C4orf50: variants seen among roughly 807,000 people sequenced by gnomAD.
C4orf50 encodes the protein uncharacterized protein C4orf50.
A neutral mutation model predicts 77.2 loss-of-function variants in C4orf50; 80 were observed. The observed-to-expected ratio is 1.04, with a 90% CI of 0.87 to 1.25. C4orf50 has a LOEUF of 1.25. C4orf50 is among the 50% of genes most tolerant of loss of function. The pLI, the probability that C4orf50 is intolerant of heterozygous loss-of-function variation, is 0.00. For missense variants in C4orf50, 1,257 were observed against 1,152.9 expected (o/e 1.09, Z -1.31); for synonymous variants, 532 against 465.3 (o/e 1.14, Z -1.84).
chr4:5,917,271 C>A (rs538111676), intron 7 of C4orf50, among the ~76,000 whole-genome samples: 2 of 152,176 alleles, frequency 1.3e-5, no homozygotes, highest in South Asian at 2.1e-4. Context: ...CATTTTAAAT[C>A]TTTAAAATAA....
At position 5,980,207 on chromosome 4, in the gene C4orf50, C is replaced by T. The variant is rs972929862; in HGVS notation, c.3831G>A (p.Glu1277=). The T allele has an allele frequency of 2.5e-6, 4 of 1,606,230 alleles. No homozygotes were observed. The East Asian group carries it at 6.7e-5, about 27-fold the overall frequency. Residue 1277 remains glutamate (E), a synonymous_variant, in exon 29 of 34, where the codon GAG becomes GAA. Coordinates refer to ENST00000531445, the Ensembl canonical transcript of C4orf50. ...GGAGCTCCTCCTGGAGGCGGGTGGC[C>T]TCGTCCAGAGACGCCTGGTGGGCAG... is the stretch of plus-strand genomic sequence containing the variant.
intron 7 of C4orf50, chr4:5,899,538 A>T (rs1716258109): frequency 6.6e-6 from 1 of 152,196 alleles, no homozygotes; most frequent in Non-Finnish European, 1.5e-5. Flanking sequence ...TACAAAGCCA[A>T]CTCATGGTCA....
chr4:5,953,263 G>A (rs151160709), downstream of C4orf50, among the ~76,000 whole-genome samples: 470 of 152,306 alleles, frequency 3.1e-3, 4 homozygotes, highest in African/African-American at 0.01. Flanking sequence ...AGCTGCAGAC[G>A]AGAGAGTGAA....
intron 7 of C4orf50, among the ~76,000 whole-genome samples, chr4:5,914,168 C>T (rs1716929778): frequency 6.6e-6 from 1 of 150,700 alleles, no homozygotes; most frequent in Non-Finnish European, 1.5e-5. Flanking sequence ...GAATATGAGC[C>T]AGGAGGTTAA....
rs188005371 is a variant in C4orf50 at position 5,960,404 on chromosome 4, T to A, written c.4276-778A>T. 6.6e-5 allele frequency among the ~76,000 whole-genome samples: 10 copies of A among 152,348 alleles called. No homozygotes were observed. The East Asian group carries it at 1.9e-3, about 29-fold the overall frequency. On this transcript the variant is annotated intron_variant, in intron 33 of 33. Coordinates refer to ENST00000531445, the Ensembl canonical transcript of C4orf50. ...AGGGTGTGGCAGGTGTGTCAGTGCC[T>A]TGCCAGACAGATGAGCAGAATGGAG...
intron 7 of C4orf50, among the ~76,000 whole-genome samples, chr4:5,912,258 T>A (rs1454609357): frequency 0.033 from 311 of 9,288 alleles, 1 homozygote; most frequent in African/African-American, 0.046. Context: ...ACTCCACTCG[T>A]GTGTGTGTGT....
chr4:5,932,338 G>T lies in C4orf50; in HGVS notation c.*2474+24563C>A, dbSNP rs114158738. Among the ~76,000 whole-genome samples the T allele has an allele frequency of 0.011, 1,727 of 152,294 alleles. 20 individuals are homozygous for T. Among genetic ancestry groups the T allele is most frequent in the African/African-American group, 0.038 (1,571 of 41,568 alleles). The stretch of plus-strand genomic sequence containing the variant: ...CGTAAAGAATCCAGCCATCAAAGAG[G>T]GAGGCAGGCAGCGGACAGCTTGCCT... On this transcript the variant is annotated intron_variant, in intron 7 of 7. Coordinates refer to the C4orf50 transcript ENST00000324058. The surrounding 1 kb of genome is among the most constrained non-coding windows in gnomAD (Gnocchi z 4.2).
intron 33 of C4orf50, among the ~76,000 whole-genome samples, chr4:5,961,027 C>T (rs2108763688): frequency 6.6e-6 from 1 of 152,318 alleles, no homozygotes; most frequent in Middle Eastern, 3.4e-3. Flanking sequence ...CTGGAAGTGG[C>T]TGTCTCTTCA....
Position 5,967,478 on chromosome 4 carries a change from T to C in C4orf50, c.4105-16A>G, listed in dbSNP as rs1384850690. 6.2e-7 allele frequency: 1 copy of C among 1,612,974 alleles called. No individual in the cohort carries two copies. The highest frequency in any genetic ancestry group is 1.3e-5 in the African/African-American group (1 of 74,898). ...GGTGGCTTGTCTGCAAGAAAAGACA[T>C]CTTGGCGGTTATTCTGCATGGCACT... On this transcript the variant is annotated splice_polypyrimidine_tract_variant and intron_variant, in intron 31 of 33. Transcript: ENST00000531445.
rs1722747801 is a variant in C4orf50 at position 6,018,075 on chromosome 4, C to T, written c.287+70G>A. The T allele has an allele frequency of 4.3e-5, 17 of 397,658 alleles. No homozygotes were observed. The East Asian group carries it at 6.1e-4, about 14-fold the overall frequency. 24.6% of individuals were successfully genotyped at this position (397,658 alleles called of 1,614,324 possible). On this transcript the variant is annotated intron_variant, in intron 23 of 33. Coordinates refer to ENST00000531445, the Ensembl canonical transcript of C4orf50. This position sits in a 1 kb window ranked among gnomAD's most constrained non-coding sequence, Gnocchi z 5.1. ...AGCTGTGTGGTGTGATTCAACACAC[C>T]ATGGTGACACACTCTGATGGCCCCG...
chr4:6,009,389 A>T lies in C4orf50; in HGVS notation c.427-857T>A, dbSNP rs1722391517. Among the ~76,000 whole-genome samples, 2 of 152,224 alleles carry T rather than the reference A, an allele frequency of 1.3e-5. No individual in the cohort carries two copies. Among genetic ancestry groups the T allele is most frequent in the South Asian group, 4.1e-4 (2 of 4,822 alleles). ...TCTTCTGCCGGGGAGCTTCCGGAAA[A>T]CAAAAACAAACAAACTAAGAGCAAA... On this transcript the variant is annotated intron_variant, in intron 24 of 33. Coordinates refer to ENST00000531445, the Ensembl canonical transcript of C4orf50. This position sits in a 1 kb window ranked among gnomAD's most constrained non-coding sequence, Gnocchi z 5.6.
chr4:5,993,037 C>A (rs73212661), intron 26 of C4orf50, 107 bp from the exon 5 acceptor site: 24,876 of 396,606 alleles, frequency 0.063, 852 homozygotes, highest in Middle Eastern at 0.094. Flanking sequence ...GGCACCCCCC[C>A]CACCCCCGAC....
intron 23 of C4orf50, among the ~76,000 whole-genome samples, chr4:6,013,567 C>G (rs1578002830): frequency 6.6e-6 from 1 of 152,138 alleles, no homozygotes; most frequent in African/African-American, 2.4e-5. Flanking sequence ...AGAGAGACTG[C>G]AGATAGGATT....
chr4:5,951,279 G>C (rs16837887), intron 7 of C4orf50, among the ~76,000 whole-genome samples: 2,879 of 152,302 alleles, frequency 0.019, 81 homozygotes, highest in African/African-American at 0.065. Flanking sequence ...GTGTGAAATA[G>C]CTAAACCAAG....
Position 5,964,882 on chromosome 4 carries a change from C to A in C4orf50, c.4275+142G>T, listed in dbSNP as rs1212479113. The A allele has an allele frequency of 2.2e-5, 14 of 641,570 alleles. No homozygotes were observed. In the South Asian group the frequency reaches 3.3e-4, roughly 15 times the overall value. The allele number at this position is 641,570 out of a possible 1,614,324, so 39.7% of individuals were successfully genotyped here. A position where few individuals can be genotyped will look rare whatever the true frequency, so the allele number is the denominator to read the frequency against. On this transcript the variant is annotated intron_variant, in intron 33 of 33. Coordinates refer to ENST00000531445, the Ensembl canonical transcript of C4orf50. Reference sequence around the variant, plus strand: ...CTGAGGGTGAAACCAGGGGGCTGTTCGGGAGTCGATTGTGTTCTATTTCTT... The same window carrying A: ...CTGAGGGTGAAACCAGGGGGCTGTTAGGGAGTCGATTGTGTTCTATTTCTT...
At position 6,015,477 on chromosome 4, in the gene C4orf50, C is replaced by A. The variant is rs1722647982; in HGVS notation, c.287+2668G>T. ...AGAAAATAAGTTTTTGTTAAGTCAC[C>A]CAGGTCTGCAAATAATGCCATTTCA... On this transcript the variant is annotated intron_variant, in intron 23 of 33. Transcript: ENST00000531445. This position sits in a 1 kb window ranked among gnomAD's most constrained non-coding sequence, Gnocchi z 4.4. Among the ~76,000 whole-genome samples the A allele has an allele frequency of 6.6e-6, 1 of 151,278 alleles. No individual in the cohort carries two copies. Among genetic ancestry groups the A allele is most frequent in the African/African-American group, 2.4e-5 (1 of 41,078 alleles).
intron 7 of C4orf50, among the ~76,000 whole-genome samples, chr4:5,921,390 C>T (rs984300793): frequency 2.6e-5 from 4 of 152,152 alleles, no homozygotes; most frequent in African/African-American, 9.7e-5. Context: ...CAAATGGCCT[C>T]CAGGATATAT....
At chr4:5,988,443 T>A (rs1721004940) in exon 28 of C4orf50, 11 of 1,597,038 alleles carry the variant, frequency 6.9e-6, no homozygotes, top group Non-Finnish European at 9.4e-6. Context: ...CTTTCACTTC[T>A]GCTCCACTGA....
At position 5,900,787 on chromosome 4, in the gene C4orf50, T is replaced by TA. The variant is rs1166912880; in HGVS notation, c.*2475-2600dup. ...GTAAAATGGGGAGGAGAAGGATGCT[T>TA]ACACTAGATGAAGTCTGAGGCTGTC... On this transcript the variant is annotated intron_variant, in intron 7 of 7. Coordinates refer to the C4orf50 transcript ENST00000324058. This position sits in a 1 kb window ranked among gnomAD's most constrained non-coding sequence, Gnocchi z 4.3. The TA allele has an allele frequency of 6.6e-6, 1 of 152,200 alleles. No homozygotes were observed. The highest frequency in any genetic ancestry group is 1.5e-5 in the Non-Finnish European group (1 of 68,042). 9.4% of individuals were successfully genotyped at this position (152,200 alleles called of 1,614,324 possible).
Sources: allele counts gnomAD v4.1 joint callset (sites outside exome capture counted in the v4.1 genomes callset), GRCh38; gene constraint gnomAD v4.1.1; non-coding constraint Gnocchi (gnomAD v3.1); transcripts MANE v1.5; gene names NCBI Gene and HGNC (gene_info 2026-07-23, HGNC 2026-07-21).